The following CNTNAP5 variants were observed in gnomAD, a reference collection of about 807,000 sequenced individuals.
The protein encoded by CNTNAP5 is contactin associated protein family member 5.
CNTNAP5 carries 72 observed loss-of-function variants against 150.2 expected under a neutral mutation model. The ratio of observed to expected loss-of-function variants is 0.48; its 90% CI spans 0.40 to 0.58. The LOEUF (loss-of-function observed/expected upper bound fraction) is 0.58. CNTNAP5 is among the 20% of genes least tolerant of loss of function. CNTNAP5 has a pLI of 0.00. For synonymous variants in CNTNAP5, 672 were observed against 619.8 expected (o/e 1.08, Z -1.25); for missense variants, 1,636 against 1,626.2 (o/e 1.01, Z -0.10).
intron 6 of CNTNAP5, among the ~76,000 whole-genome samples, chr2:124,468,001 T>A: frequency 6.6e-6 from 1 of 152,104 alleles, no homozygotes; most frequent in East Asian, 1.9e-4. Flanking sequence ...CCTTGGCAGA[T>A]CACTAATGGG....
At chr2:124,188,840 G>T (rs2104691524) in intron 1 of CNTNAP5, among the ~76,000 whole-genome samples, 1 of 152,088 alleles carries the variant, frequency 6.6e-6, no homozygotes, top group African/African-American at 2.4e-5. Flanking sequence ...GAATTCAGCA[G>T]TGGCATCTGA....
intron 12 of CNTNAP5, among the ~76,000 whole-genome samples, chr2:124,647,074 A>G (rs1558718583): frequency 6.6e-6 from 1 of 152,230 alleles, no homozygotes; most frequent in Non-Finnish European, 1.5e-5. Context: ...CTAATGCCCA[A>G]ATATCTCCCC....
intron 11 of CNTNAP5, among the ~76,000 whole-genome samples, chr2:124,599,118 C>G (rs1341500164): frequency 6.6e-6 from 1 of 152,180 alleles, no homozygotes; most frequent in Non-Finnish European, 1.5e-5. Flanking sequence ...GTCGCTCACG[C>G]TGGGAGCTGT....
chr2:124,146,199 G>T (rs1212173965), intron 1 of CNTNAP5, among the ~76,000 whole-genome samples: 2 of 152,150 alleles, frequency 1.3e-5, no homozygotes, highest in Non-Finnish European at 2.9e-5. Context: ...ACCACCGGAA[G>T]CTGCCACCTC....
chr2:124,786,509 A>G (rs1318610889), intron 17 of CNTNAP5, among the ~76,000 whole-genome samples: 1 of 149,952 alleles, frequency 6.7e-6, no homozygotes, highest in African/African-American at 2.5e-5. Flanking sequence ...GGGAAAGAAA[A>G]AGAAAGAAAG....
chr2:124,466,767 C>CA (rs1294873687), intron 6 of CNTNAP5, among the ~76,000 whole-genome samples: 1 of 152,166 alleles, frequency 6.6e-6, no homozygotes, highest in East Asian at 1.9e-4. Flanking sequence ...ATTTCCAGCT[C>CA]AGTCTTCCAT....
chr2:124,487,505 T>C (rs565401269), intron 7 of CNTNAP5, among the ~76,000 whole-genome samples: 10 of 152,236 alleles, frequency 6.6e-5, no homozygotes, highest in East Asian at 1.9e-4. Flanking sequence ...AAGGACAGTA[T>C]GTTTGTGCAG....
chr2:124,316,453 T>C (rs17011406), intron 3 of CNTNAP5, among the ~76,000 whole-genome samples: 11,541 of 152,192 alleles, frequency 0.076, 539 homozygotes, highest in South Asian at 0.13. Context: ...AAGCATGTTA[T>C]GTATTATACA....
At position 124,918,017 on chromosome 2, in the gene CNTNAP5, G is replaced by T. The variant is rs369258669; in HGVS notation, c.*3729G>T. Among the ~76,000 whole-genome samples the T allele has an allele frequency of 2.6e-5, 4 of 152,010 alleles. No homozygotes were observed. The highest frequency in any genetic ancestry group is 9.7e-5 in the African/African-American group (4 of 41,414). On this transcript the variant is annotated 3_prime_UTR_variant, in exon 24 of 24. Transcript: ENST00000682447. ...TATCTATCAATGCATATAGATTTCT[G>T]TAGAAAGGGGTGGATTGACTTTTAG...
intron 1 of CNTNAP5, among the ~76,000 whole-genome samples, chr2:124,154,315 T>C (rs1005998039): frequency 3.3e-5 from 5 of 151,952 alleles, no homozygotes; most frequent in African/African-American, 7.3e-5. Flanking sequence ...AGGGGTTTGA[T>C]TGGGAGATAA....
intron 11 of CNTNAP5, among the ~76,000 whole-genome samples, chr2:124,570,950 C>A (rs1696139420): frequency 6.6e-6 from 1 of 152,118 alleles, no homozygotes; most frequent in Non-Finnish European, 1.5e-5. Flanking sequence ...AGATATATGA[C>A]CTAGGGAAAG....
intron 4 of CNTNAP5, among the ~76,000 whole-genome samples, chr2:124,433,954 A>C (rs1041273213): frequency 6.6e-6 from 1 of 152,212 alleles, no homozygotes; most frequent in African/African-American, 2.4e-5. Context: ...TCAAATAACA[A>C]GTCTTCTTTT....
In CNTNAP5 at chr2:124,921,126, T is replaced by A. The variant is rs1352159766; in HGVS notation, c.*6838T>A. On this transcript the variant is annotated 3_prime_UTR_variant, in exon 24 of 24. Coordinates refer to ENST00000682447, the MANE Select transcript of CNTNAP5 (RefSeq NM_001367498.1). ...AAAGTTAGCCTTAGATTTCTTTGTTTTCTATGGTTATTGTTGTACAGAAGA... is the reference window on the plus strand; with the variant it reads ...AAAGTTAGCCTTAGATTTCTTTGTTATCTATGGTTATTGTTGTACAGAAGA... Among the ~76,000 whole-genome samples the A allele has an allele frequency of 6.6e-6, 1 of 152,198 alleles. No individual in the cohort carries two copies. Among genetic ancestry groups the A allele is most frequent in the Non-Finnish European group, 1.5e-5 (1 of 68,028 alleles).
At chr2:124,287,876 T>C (rs1688193547) in intron 3 of CNTNAP5, among the ~76,000 whole-genome samples, 1 of 152,210 alleles carries the variant, frequency 6.6e-6, no homozygotes, top group Non-Finnish European at 1.5e-5. Context: ...TTGATATTTA[T>C]AATGAATACT....
intron 6 of CNTNAP5, among the ~76,000 whole-genome samples, chr2:124,451,960 A>G (rs1692992019): frequency 1.3e-5 from 2 of 152,126 alleles, no homozygotes; most frequent in Non-Finnish European, 2.9e-5. Context: ...GGGCTACCAG[A>G]GGCACTGAGA....
intron 13 of CNTNAP5, among the ~76,000 whole-genome samples, chr2:124,726,127 T>G (rs1274408467): frequency 6.6e-6 from 1 of 152,048 alleles, no homozygotes; most frequent in Non-Finnish European, 1.5e-5. Context: ...TCTTCACCAA[T>G]GCTTGTTAAA....
At chr2:124,795,066 G>T (rs1333704089) in intron 18 of CNTNAP5, among the ~76,000 whole-genome samples, 1 of 152,090 alleles carries the variant, frequency 6.6e-6, no homozygotes, top group African/African-American at 2.4e-5. Context: ...CTTTCTGTTT[G>T]TTCTAATTCC....
chr2:124,743,378 G>T (rs1204608078), intron 13 of CNTNAP5, among the ~76,000 whole-genome samples: 1 of 152,152 alleles, frequency 6.6e-6, no homozygotes. Context: ...TTTAAATCCC[G>T]AATCTCGTTT....
chr2:124,287,248 G>A (rs564199143), intron 3 of CNTNAP5, among the ~76,000 whole-genome samples: 1 of 152,298 alleles, frequency 6.6e-6, no homozygotes, highest in African/African-American at 2.4e-5. Flanking sequence ...TTGGATAAAT[G>A]AGGAAATGGG....
Sources: allele counts gnomAD v4.1 joint callset (sites outside exome capture counted in the v4.1 genomes callset), GRCh38; gene constraint gnomAD v4.1.1; transcripts MANE v1.5; gene names NCBI Gene and HGNC (gene_info 2026-07-23, HGNC 2026-07-21).